Variants in TMEM232 observed in about 807,000 individuals in gnomAD.
TMEM232 encodes the protein transmembrane protein 232.
In TMEM232, 80 loss-of-function variants were observed where a neutral mutation model predicts 78.8. That is an observed-to-expected ratio of 1.01 (90% CI 0.85 to 1.22). The LOEUF is 1.22. TMEM232 is among the 50% of genes most tolerant of loss of function. The pLI is 0.00. For missense variants in TMEM232, 881 were observed against 742.2 expected, an observed-to-expected ratio of 1.19 and a Z score of -2.17; for synonymous variants, 297 against 254.3, an observed-to-expected ratio of 1.17 and a Z score of -1.60.
chr5:110,676,390 G>A (rs891533916), intron 1 of TMEM232, among the ~76,000 whole-genome samples: 3 of 150,744 alleles, frequency 2.0e-5, no homozygotes, highest in Non-Finnish European at 4.4e-5. Flanking sequence ...TAGTGTACAG[G>A]GTTCCCTTTT....
At chr5:110,521,891 G>A (rs2149501751) in intron 12 of TMEM232, among the ~76,000 whole-genome samples, 1 of 152,250 alleles carries the variant, frequency 6.6e-6, no homozygotes, top group African/African-American at 2.4e-5. Context: ...ATCAGAAAGT[G>A]TGATGCCTAC....
chr5:110,391,470 T>C (rs1755194873), intron 3 of TMEM232, among the ~76,000 whole-genome samples: 1 of 152,254 alleles, frequency 6.6e-6, no homozygotes, highest in Non-Finnish European at 1.5e-5. Flanking sequence ...TGAGTGATTT[T>C]CCATATCCTT....
chr5:110,738,697 G>T (rs1301539027), upstream of TMEM232: 2 of 231,602 alleles, frequency 8.6e-6, no homozygotes, highest in South Asian at 5.3e-5. Context: ...GCTGTGACAT[G>T]GGGTATTTCT....
At chr5:110,728,709 T>C (rs1798385931), upstream of TMEM232, among the ~76,000 whole-genome samples, 1 of 148,430 alleles carries the variant, frequency 6.7e-6, no homozygotes, top group African/African-American at 2.5e-5. Context: ...TTATTATATA[T>C]ATACCTATAT....
chr5:110,595,167 C>T (rs562264301), intron 10 of TMEM232, among the ~76,000 whole-genome samples: 4 of 152,274 alleles, frequency 2.6e-5, no homozygotes, highest in South Asian at 2.1e-4. Flanking sequence ...CTCCAGCAGA[C>T]GTGCAGAAGA....
At chr5:110,601,729 T>C (rs563183400) in intron 10 of TMEM232, among the ~76,000 whole-genome samples, 53 of 152,156 alleles carry the variant, frequency 3.5e-4, no homozygotes, top group Non-Finnish European at 6.5e-4. Flanking sequence ...CCCAAATTAA[T>C]TTATAGATTC....
intron 10 of TMEM232, among the ~76,000 whole-genome samples, chr5:110,589,981 C>T (rs1335253056): frequency 1.3e-5 from 2 of 152,120 alleles, no homozygotes. Context: ...TATTTAGGCA[C>T]TTGAACATAT....
At chr5:110,712,097 C>T (rs1796543802) in intron 1 of TMEM232, among the ~76,000 whole-genome samples, 1 of 111,150 alleles carries the variant, frequency 9.0e-6, no homozygotes, top group Non-Finnish European at 1.7e-5. Context: ...CAGAGCGAGA[C>T]TCAATCTCAA....
At chr5:110,661,749 A>G (rs1227925484) in intron 2 of TMEM232, among the ~76,000 whole-genome samples, 1 of 152,198 alleles carries the variant, frequency 6.6e-6, no homozygotes, top group Non-Finnish European at 1.5e-5. Flanking sequence ...TGGCTATGCT[A>G]ATTTACATTC....
At chr5:110,397,347 C>A (rs913313563) in intron 3 of TMEM232, among the ~76,000 whole-genome samples, 2 of 152,102 alleles carry the variant, frequency 1.3e-5, no homozygotes, top group African/African-American at 4.8e-5. Context: ...AAACTAATAA[C>A]TAGAGGGATT....
chr5:110,499,780 G>T (rs996295622), intron 12 of TMEM232, among the ~76,000 whole-genome samples: 2 of 152,038 alleles, frequency 1.3e-5, no homozygotes, highest in African/African-American at 4.8e-5. Context: ...ACAAAAAGGT[G>T]ATAGTCAAAT....
rs567230500 is a variant in TMEM232, at chr5:110,656,697, C to A, written c.125+10531G>T. On this transcript the variant is annotated intron_variant, in intron 2 of 13. Transcript: ENST00000455884. ...ACTAAAAATACAAAAATTAGCTGGG[C>A]GTGGTGGCAGGGCACCGGTAGTCCC... 3.0e-3 allele frequency among the ~76,000 whole-genome samples: 454 copies of A among 151,932 alleles called. 3 individuals are homozygous for A. The highest frequency in any genetic ancestry group is 0.01 in the African/African-American group (433 of 41,478).
intron 2 of TMEM232, among the ~76,000 whole-genome samples, chr5:110,655,867 G>T (rs1391716875): frequency 2.1e-5 from 3 of 140,344 alleles, no homozygotes; most frequent in Non-Finnish European, 4.5e-5. Flanking sequence ...GAGAACACAT[G>T]GACACAGGAA....
chr5:110,458,278 T>C (rs1335599493), intron 12 of TMEM232, among the ~76,000 whole-genome samples: 2 of 152,124 alleles, frequency 1.3e-5, no homozygotes, highest in African/African-American at 4.8e-5. Flanking sequence ...CATCTTTTTT[T>C]TGTTTTTTTT....
chr5:110,734,236 G>C (rs976628117), intron 2 of TMEM232, among the ~76,000 whole-genome samples: 2 of 152,234 alleles, frequency 1.3e-5, no homozygotes, highest in African/African-American at 4.8e-5. Context: ...ACCTGGGATT[G>C]TCCCCAGAAT....
intron 2 of TMEM232, among the ~76,000 whole-genome samples, chr5:110,652,340 CAAATT>C (rs1561456766): frequency 1.6e-5 from 2 of 127,838 alleles, no homozygotes; most frequent in African/African-American, 5.8e-5. Context: ...GTTTCAAATA[CAAATT>C]AAAATTACAT....
At chr5:110,700,832 T>C (rs147497367) in intron 1 of TMEM232, among the ~76,000 whole-genome samples, 3 of 124,094 alleles carry the variant, frequency 2.4e-5, no homozygotes, top group African/African-American at 8.9e-5. Context: ...ATAGATATAA[T>C]AGAGAACAAA....
chr5:110,687,889 G>T (rs1241348966), intron 1 of TMEM232, among the ~76,000 whole-genome samples: 4 of 152,082 alleles, frequency 2.6e-5, no homozygotes, highest in Admixed American at 1.3e-4. Context: ...AATTTGCAGA[G>T]TAGTGTGAAG....
At chr5:110,685,527 G>A (rs1026159067) in intron 1 of TMEM232, among the ~76,000 whole-genome samples, 12 of 151,944 alleles carry the variant, frequency 7.9e-5, no homozygotes, top group Admixed American at 3.3e-4. Flanking sequence ...GAGGAATATA[G>A]AACAATGAAA....
Sources: allele counts gnomAD v4.1 joint callset (sites outside exome capture counted in the v4.1 genomes callset), GRCh38; gene constraint gnomAD v4.1.1; transcripts MANE v1.5; gene names NCBI Gene and HGNC (gene_info 2026-07-23, HGNC 2026-07-21).